Variants in PCDH15 observed in about 807,000 individuals in gnomAD.
The protein encoded by PCDH15 is protocadherin-15.
Under a neutral mutation model 178.5 loss-of-function variants are expected in PCDH15, and 129 were observed. The ratio of observed to expected loss-of-function variants is 0.72; its 90% CI spans 0.63 to 0.84. The LOEUF is 0.84. Among genes scored for constraint, PCDH15 ranks in the 40% least tolerant of loss-of-function variants. The pLI is 0.00. For missense variants in PCDH15, 2,230 were observed against 2,099.9 expected, an observed-to-expected ratio of 1.06 and a Z score of -1.21; for synonymous variants, 800 against 732.0, an observed-to-expected ratio of 1.09 and a Z score of -1.50.
chr10:55,503,520 T>A (rs866958866), intron 2 of PCDH15, among the ~76,000 whole-genome samples: 11 of 151,090 alleles, frequency 7.3e-5, no homozygotes, highest in African/African-American at 2.7e-4. Context: ...TAGATTTTCA[T>A]ACAATCTGAA....
At chr10:55,273,913 A>G (rs1377593753) in intron 1 of PCDH15, among the ~76,000 whole-genome samples, 1 of 111,846 alleles carries the variant, frequency 8.9e-6, no homozygotes, top group South Asian at 2.9e-4. Flanking sequence ...AGTTAAGTGT[A>G]AAAGTTAACA....
At chr10:53,899,920 T>C (rs1015177963) in intron 26 of PCDH15, among the ~76,000 whole-genome samples, 4 of 152,186 alleles carry the variant, frequency 2.6e-5, no homozygotes, top group African/African-American at 9.7e-5. Flanking sequence ...TTGCCTCCTA[T>C]CACTCAGATA....
At chr10:54,714,254 C>T (rs1684939369) in intron 1 of PCDH15, among the ~76,000 whole-genome samples, 1 of 152,110 alleles carries the variant, frequency 6.6e-6, no homozygotes, top group Non-Finnish European at 1.5e-5. Context: ...GCAAACATCA[C>T]TGGTGTCTCT....
At chr10:54,501,716 C>T (rs188806447) in intron 3 of PCDH15, among the ~76,000 whole-genome samples, 179 of 152,030 alleles carry the variant, frequency 1.2e-3, no homozygotes, top group African/African-American at 3.6e-3. Context: ...ATATCCAATG[C>T]TATGAAAATT....
chr10:54,071,384 T>C (rs2094239046), intron 17 of PCDH15, among the ~76,000 whole-genome samples: 1 of 152,182 alleles, frequency 6.6e-6, no homozygotes, highest in Non-Finnish European at 1.5e-5. Context: ...GGGCAGTGTG[T>C]AATACTACGA....
intron 6 of PCDH15, among the ~76,000 whole-genome samples, chr10:54,336,379 C>G (rs554263270): frequency 1.3e-5 from 2 of 152,098 alleles, no homozygotes; most frequent in African/African-American, 4.8e-5. Context: ...TTTGTGGCAG[C>G]CCCTCCCATC....
At chr10:54,398,487 A>G (rs1951525037) in intron 3 of PCDH15, among the ~76,000 whole-genome samples, 1 of 152,044 alleles carries the variant, frequency 6.6e-6, no homozygotes, top group African/African-American at 2.4e-5. Context: ...CTAATAAATT[A>G]GAGTTTGGTT....
At chr10:54,408,114 T>A (rs1307170553) in intron 3 of PCDH15, among the ~76,000 whole-genome samples, 1 of 150,074 alleles carries the variant, frequency 6.7e-6, no homozygotes, top group Non-Finnish European at 1.5e-5. Flanking sequence ...TCCTCTAAGG[T>A]AACCCTAGGA....
chr10:54,178,271 A>T (rs1241872147), intron 13 of PCDH15, among the ~76,000 whole-genome samples: 1 of 152,178 alleles, frequency 6.6e-6, no homozygotes, highest in Non-Finnish European at 1.5e-5. Flanking sequence ...CCCAGAGTAT[A>T]TTCTATACAA....
chr10:55,172,750 TAAA>T (rs1157959917), intron 1 of PCDH15, among the ~76,000 whole-genome samples: 3 of 151,920 alleles, frequency 2.0e-5, no homozygotes, highest in Non-Finnish European at 4.4e-5. Flanking sequence ...ACAAAAAAAC[TAAA>T]AAGTGCCCAA....
intron 25 of PCDH15, among the ~76,000 whole-genome samples, chr10:53,926,745 T>C (rs2084588404): frequency 6.6e-6 from 1 of 152,228 alleles, no homozygotes; most frequent in South Asian, 2.1e-4. Flanking sequence ...TCAAATGTTT[T>C]GCAGAGTTCG....
intron 1 of PCDH15, among the ~76,000 whole-genome samples, chr10:55,303,056 G>T (rs1460186982): frequency 6.7e-6 from 1 of 150,298 alleles, no homozygotes; most frequent in Non-Finnish European, 1.5e-5. Context: ...CTATAATAAG[G>T]TTATAAGATA....
rs116482189 is a variant in PCDH15 at position 54,093,280 on chromosome 10, T to C, written c.1918-3217A>G. The stretch of plus-strand genomic sequence containing the variant: ...CTTAGGATTTAAAAGAAAATTCTTA[T>C]TTGATTCCTTTCTTCATTTTTATCT... On this transcript the variant is annotated intron_variant, in intron 15 of 37. Coordinates refer to ENST00000644397, the MANE Select transcript of PCDH15 (RefSeq NM_001384140.1). Among the ~76,000 whole-genome samples the C allele has an allele frequency of 3.9e-3, 596 of 152,286 alleles. 2 individuals carry two copies. The highest frequency in any genetic ancestry group is 0.014 in the African/African-American group (568 of 41,580).
At chr10:54,309,989 T>G (rs2060803010) in intron 8 of PCDH15, among the ~76,000 whole-genome samples, 1 of 152,058 alleles carries the variant, frequency 6.6e-6, no homozygotes, top group South Asian at 2.1e-4. Context: ...CTATTAGTTT[T>G]GAGGATCTAT....
In PCDH15 at chr10:55,376,266, G is replaced by T. The variant is rs150918269; in HGVS notation, c.-155-209615C>A. Reference sequence around the variant, plus strand: ...TTTTGTGAAGATGAATCCAGTTTTCGATCCACTTAGATATGTTATAAGTTA... The same window carrying T: ...TTTTGTGAAGATGAATCCAGTTTTCTATCCACTTAGATATGTTATAAGTTA... On this transcript the variant is annotated intron_variant, in intron 2 of 5. Coordinates refer to the PCDH15 transcript ENST00000613346. Among the ~76,000 whole-genome samples the T allele has an allele frequency of 3.3e-3, 505 of 152,024 alleles. 2 individuals are homozygous for T. The highest frequency in any genetic ancestry group is 9.8e-3 in the African/African-American group (409 of 41,530).
At chr10:55,148,401 T>C (rs1035323406) in intron 2 of PCDH15, among the ~76,000 whole-genome samples, 1 of 151,898 alleles carries the variant, frequency 6.6e-6, no homozygotes, top group Non-Finnish European at 1.5e-5. Context: ...TGACAAATTC[T>C]TAACATTTTT....
At chr10:54,644,756 G>A (rs148934337) in intron 2 of PCDH15, among the ~76,000 whole-genome samples, 1,591 of 152,190 alleles carry the variant, frequency 0.01, 17 homozygotes, top group Non-Finnish European at 0.016. Context: ...CAAAATTTAT[G>A]TTGAAACTTA....
At chr10:54,368,170 T>C (rs1419956325) in intron 5 of PCDH15, among the ~76,000 whole-genome samples, 1 of 151,994 alleles carries the variant, frequency 6.6e-6, no homozygotes, top group African/African-American at 2.4e-5. Context: ...ACATAATTTC[T>C]TCAAACTTTC....
intron 35 of PCDH15, 40 bp from the exon 36 acceptor site, chr10:53,811,659 C>A (rs1214944523): frequency 7.5e-7 from 1 of 1,329,320 alleles, no homozygotes; most frequent in Non-Finnish European, 1.0e-6. Flanking sequence ...AAAACGAATT[C>A]TTATCACGTT....
Sources: allele counts gnomAD v4.1 joint callset (sites outside exome capture counted in the v4.1 genomes callset), GRCh38; gene constraint gnomAD v4.1.1; transcripts MANE v1.5; gene names NCBI Gene and HGNC (gene_info 2026-07-23, HGNC 2026-07-21).